Variants in USP15 observed in about 807,000 individuals in gnomAD.
The protein encoded by USP15 is ubiquitin specific peptidase 15.
USP15 carries 18 observed loss-of-function variants against 127.1 expected under a neutral mutation model. The observed-to-expected ratio is 0.14, with a 90% CI of 0.10 to 0.21. The LOEUF (loss-of-function observed/expected upper bound fraction) is 0.21, where lower values mean the gene tolerates loss of function less well. USP15 is among the 10% of genes least tolerant of loss of function. USP15 has a pLI of 1.00. For missense variants in USP15, 805 were observed against 1,159.9 expected (o/e 0.69, Z 4.44); for synonymous variants, 364 against 393.7 (o/e 0.92, Z 0.89).
chr12:62,330,355 G>T (rs1027210634), intron 6 of USP15, among the ~76,000 whole-genome samples: 2 of 149,298 alleles, frequency 1.3e-5, no homozygotes, highest in Admixed American at 1.4e-4. Flanking sequence ...TTGGGAGGCC[G>T]AGGCAGGCAG....
At chr12:62,389,747 T>G (rs2067264630) in intron 13 of USP15, 48 bp downstream of exon 13, 3 of 1,598,768 alleles carry the variant, frequency 1.9e-6, no homozygotes, top group Middle Eastern at 1.7e-4. Context: ...AAAAAATTAA[T>G]AGAAGTAACA....
chr12:62,315,730 G>A (rs549633282), intron 4 of USP15, among the ~76,000 whole-genome samples: 1 of 152,250 alleles, frequency 6.6e-6, no homozygotes, highest in Non-Finnish European at 1.5e-5. Context: ...AGATTTCCTT[G>A]TTGGAACCAG....
intron 8 of USP15, among the ~76,000 whole-genome samples, chr12:62,377,637 T>C (rs1488798683): frequency 1.3e-5 from 2 of 151,910 alleles, no homozygotes; most frequent in African/African-American, 4.8e-5. Context: ...GGAGAATTTC[T>C]TGAACCTGGG....
At chr12:62,338,199 C>T (rs534740984) in intron 6 of USP15, among the ~76,000 whole-genome samples, 4 of 152,204 alleles carry the variant, frequency 2.6e-5, no homozygotes, top group East Asian at 1.9e-4. Context: ...GGTATCTCAT[C>T]GTGGTGTGAT....
At chr12:62,331,700 G>A (rs537073224) in intron 6 of USP15, among the ~76,000 whole-genome samples, 95 of 152,148 alleles carry the variant, frequency 6.2e-4, no homozygotes, top group African/African-American at 2.1e-3. Context: ...AAATTTTTGG[G>A]CTCCTTGAGA....
In USP15 at chr12:62,390,324, C is replaced by T. The variant is rs11613353; in HGVS notation, c.1844+336C>T. ...AAATGTCAAATGCCATATGTTTGCA[C>T]TGTGAAATAACAAATGTCAAATGCT... On this transcript the variant is annotated intron_variant, in intron 14 of 21. Transcript: ENST00000280377. Among the ~76,000 whole-genome samples, 805 of 152,216 alleles carry T rather than the reference C, an allele frequency of 5.3e-3. 4 individuals are homozygous for T. The highest frequency in any genetic ancestry group is 8.3e-3 in the South Asian group (40 of 4,828).
chr12:62,308,570 A>G (rs1174402028), intron 3 of USP15, among the ~76,000 whole-genome samples: 11 of 151,990 alleles, frequency 7.2e-5, no homozygotes, highest in Admixed American at 7.2e-4. Context: ...CTATAGAGAG[A>G]CTCACATAAT....
chr12:62,305,742 A>T (rs760053884), intron 3 of USP15: 1 of 152,194 alleles, frequency 6.6e-6, no homozygotes, highest in African/African-American at 2.4e-5. Context: ...ATTCTCTACT[A>T]TGTTCCCTGG....
At chr12:62,390,769 C>T in intron 14 of USP15, 95 bp from the exon 15 acceptor site, 2 of 740,800 alleles carry the variant, frequency 2.7e-6, no homozygotes, top group South Asian at 2.0e-5. Context: ...ACTGTTACTG[C>T]ATTAAAAAGT....
chr12:62,325,767 T>A (rs1230892060), intron 5 of USP15, 105 bp from the exon 6 acceptor site: 1 of 919,820 alleles, frequency 1.1e-6, no homozygotes, highest in Non-Finnish European at 1.6e-6. Context: ...TTCCTTTAAA[T>A]AATCACAGAG....
At chr12:62,333,330 A>G (rs1415438625) in intron 6 of USP15, among the ~76,000 whole-genome samples, 2 of 152,166 alleles carry the variant, frequency 1.3e-5, no homozygotes, top group Non-Finnish European at 2.9e-5. Context: ...GCAGTGGAGC[A>G]GTCACAGCTC....
chr12:62,342,851 G>A (rs2065689601), intron 6 of USP15, among the ~76,000 whole-genome samples: 1 of 152,164 alleles, frequency 6.6e-6, no homozygotes, highest in African/African-American at 2.4e-5. Context: ...CTGTTGGGAG[G>A]TCTCTCCCAG....
rs1458800334 is a variant in USP15, at chr12:62,409,722, C to G, written c.*5347C>G. 2 of 152,120 alleles carry G rather than the reference C, an allele frequency of 1.3e-5. No homozygotes were observed. The highest frequency in any genetic ancestry group is 4.8e-5 in the African/African-American group (2 of 41,450). The allele number at this position is 152,120 out of a possible 1,614,324, so 9.4% of individuals were successfully genotyped here. On this transcript the variant is annotated 3_prime_UTR_variant, in exon 22 of 22. Transcript: ENST00000280377. ...AACAATAAATATGGAAACATCCCAACAGTCTTTCCCACAATGTGTATTATT... is the reference window on the plus strand; with the variant it reads ...AACAATAAATATGGAAACATCCCAAGAGTCTTTCCCACAATGTGTATTATT...
chr12:62,312,886 A>G (rs977452453), intron 3 of USP15, among the ~76,000 whole-genome samples: 2 of 151,630 alleles, frequency 1.3e-5, no homozygotes, highest in Admixed American at 6.6e-5. Flanking sequence ...AATAATCTAC[A>G]TGTGACCATT....
chr12:62,391,947 G>A, intron 17 of USP15, 61 bp downstream of exon 17: 2 of 1,435,988 alleles, frequency 1.4e-6, no homozygotes, highest in South Asian at 1.3e-5. Flanking sequence ...GATTACCAGA[G>A]ATAATCATAC....
At chr12:62,307,981 TTTA>T (rs1376081495) in intron 3 of USP15, among the ~76,000 whole-genome samples, 1 of 152,128 alleles carries the variant, frequency 6.6e-6, no homozygotes, top group African/African-American at 2.4e-5. Flanking sequence ...ATTGTTCTAT[TTTA>T]TTATTAGCTA....
intron 1 of USP15, among the ~76,000 whole-genome samples, 170 bp from the exon 2 acceptor site, chr12:62,294,009 T>A (rs1262245105): frequency 6.6e-6 from 1 of 152,224 alleles, no homozygotes; most frequent in African/African-American, 2.4e-5. Flanking sequence ...AATAATACTT[T>A]ATACAAATGA....
At position 62,409,930 on chromosome 12, in the gene USP15, A is replaced by G. The variant is rs1186402633; in HGVS notation, c.*5555A>G. ...AGTATTTGCTTTTCTTTTAAACTCC[A>G]TAAAGGAGTATTCGATGTTAACAGA... On this transcript the variant is annotated 3_prime_UTR_variant, in exon 22 of 22. Coordinates refer to ENST00000280377, the MANE Select transcript of USP15 (RefSeq NM_001252078.2). The G allele has an allele frequency of 2.0e-5, 3 of 152,104 alleles. No homozygotes were observed. The allele number at this position is 152,104 out of a possible 1,614,324, so 9.4% of individuals were successfully genotyped here.
At chr12:62,293,631 C>G (rs2064040537) in intron 1 of USP15, among the ~76,000 whole-genome samples, 1 of 152,198 alleles carries the variant, frequency 6.6e-6, no homozygotes, top group Non-Finnish European at 1.5e-5. Flanking sequence ...GCTGGGATTA[C>G]AGGCGTAAGC....
Sources: gnomAD v4.1 joint callset for allele counts (sites outside exome capture counted in the v4.1 genomes callset) on GRCh38, gnomAD v4.1.1 for gene constraint, MANE v1.5 for transcripts, NCBI Gene and HGNC (gene_info 2026-07-23, HGNC 2026-07-21) for gene names.